Variants in ZFHX3 observed in about 807,000 individuals in gnomAD.
ZFHX3 encodes the protein zinc finger homeobox 3, also known as zinc finger homeobox protein 3.
In ZFHX3, 42 loss-of-function variants were observed where a neutral mutation model predicts 279.1. That is an observed-to-expected ratio of 0.15 (90% CI 0.12 to 0.19). ZFHX3 has a LOEUF of 0.19. Among genes scored for constraint, ZFHX3 ranks in the 10% least tolerant of loss-of-function variants. ZFHX3 has a pLI of 1.00. For synonymous variants in ZFHX3, 2,293 were observed against 1,957.8 expected (o/e 1.17, Z -4.52); for missense variants, 4,981 against 4,754.0 (o/e 1.05, Z -1.40).
chr16:73,383,063 G>T (rs563007988), intron 3 of ZFHX3, among the ~76,000 whole-genome samples: 30 of 152,230 alleles, frequency 2.0e-4, no homozygotes, highest in Admixed American at 1.4e-3. Context: ...CAGAGCACAT[G>T]CTTGGCCGCT....
chr16:73,243,744 TTGTGTGTGTG>T (rs34895940), intron 5 of ZFHX3, among the ~76,000 whole-genome samples: 2 of 149,908 alleles, frequency 1.3e-5, no homozygotes, highest in Admixed American at 6.7e-5. Context: ...CCAACACGTT[TTGTGTGTGTG>T]TGTGTGTGTG....
At position 73,579,854 on chromosome 16, in the gene ZFHX3, T is replaced by TTA. The variant is rs200667144; in HGVS notation, c.-1547+100324_-1547+100325dup. Among the ~76,000 whole-genome samples, 1,003 of 140,924 alleles carry TTA rather than the reference T, an allele frequency of 7.1e-3. 30 individuals are homozygous for TTA. Among genetic ancestry groups the TTA allele is most frequent in the South Asian group, 0.021 (98 of 4,668 alleles). 92.5% of individuals were successfully genotyped at this position (140,924 alleles called of 152,430 possible). On this transcript the variant is annotated intron_variant, in intron 2 of 17. Transcript: ENST00000641206. ...GGTTCACAAATATATATTATACAGA[T>TTA]TATATATATATATATATATACATAC...
intron 1 of ZFHX3, chr16:72,973,402 C>T (rs933990721): frequency 2.0e-5 from 3 of 152,264 alleles, no homozygotes; most frequent in Non-Finnish European, 4.4e-5. Context: ...CACTACCATT[C>T]AATCACCTGT....
rs1468578266 is a variant in ZFHX3, at chr16:72,788,614, G to T, written c.9662C>A (p.Thr3221Lys). 1 of 1,613,492 alleles carries T rather than the reference G, an allele frequency of 6.2e-7. No individual in the cohort carries two copies. The highest frequency in any genetic ancestry group is 8.5e-7 in the Non-Finnish European group (1 of 1,179,832). ...PPPPAAQPPP[T>K]PQLPLQQQQQ... ...CTGCTGTTGCAGTGGGAGCTGTGGT[G>T]TGGGTGGCGGCTGGGCTGCTGGCGG... The change falls in exon 10 of 10, where the codon ACA becomes AAA. Residue 3221 changes from threonine (T) to lysine (K), a missense_variant. Physicochemically the swap from Thr to Lys is moderately conservative, Grantham distance 78. Around this residue, in one of 7 missense-constraint regions of ZFHX3, gnomAD observed 1,034 missense variants for 786.0 expected, o/e 1.32. Coordinates refer to ENST00000268489, the MANE Select transcript of ZFHX3 (RefSeq NM_006885.4).
At chr16:73,855,278 G>C (rs1028629235) in intron 1 of ZFHX3, among the ~76,000 whole-genome samples, 1 of 130,956 alleles carries the variant, frequency 7.6e-6, no homozygotes, top group South Asian at 2.3e-4. Context: ...ATTTGCCCGT[G>C]AAATTCAGGG....
chr16:73,755,707 G>A (rs1202072682), intron 1 of ZFHX3, among the ~76,000 whole-genome samples: 1 of 152,176 alleles, frequency 6.6e-6, no homozygotes, highest in South Asian at 2.1e-4. Context: ...CGAACCTCCC[G>A]TGAAGAAAAG....
At chr16:73,554,708 C>A (rs974217801) in intron 2 of ZFHX3, 3 of 152,126 alleles carry the variant, frequency 2.0e-5, no homozygotes, top group African/African-American at 7.2e-5. Flanking sequence ...TATTTTCCTG[C>A]GGTGGCTGAC....
intron 2 of ZFHX3, among the ~76,000 whole-genome samples, chr16:73,456,960 G>C (rs1024096051): frequency 6.6e-6 from 1 of 152,204 alleles, no homozygotes; most frequent in Admixed American, 6.5e-5. Flanking sequence ...TCAGCGAGGC[G>C]TAATAGAAGG....
intron 5 of ZFHX3, among the ~76,000 whole-genome samples, chr16:73,244,731 G>T: frequency 6.6e-6 from 1 of 152,170 alleles, no homozygotes; most frequent in Middle Eastern, 3.2e-3. Context: ...GATGCCACCA[G>T]CTTGAGGAAG....
At chr16:72,995,268 G>A (rs1164096243) in intron 1 of ZFHX3, among the ~76,000 whole-genome samples, 1 of 152,096 alleles carries the variant, frequency 6.6e-6, no homozygotes, top group Non-Finnish European at 1.5e-5. Context: ...CCATAAACAA[G>A]CTGTTCAAAC....
Position 72,959,292 on chromosome 16 carries a change from A to G in ZFHX3, c.854T>C (p.Phe285Ser). The G allele has an allele frequency of 6.2e-7, 1 of 1,614,250 alleles. No homozygotes were observed. Among genetic ancestry groups the G allele is most frequent in the South Asian group, 1.1e-5 (1 of 91,080 alleles). Residue 285 changes from phenylalanine (F) to serine (S), a missense_variant, in exon 2 of 10, where the codon TTC becomes TCC. By Grantham distance (155) the Phe-to-Ser change is radical. Around this residue, in one of 7 missense-constraint regions of ZFHX3, gnomAD observed 1,068 missense variants for 935.2 expected, o/e 1.14. Coordinates refer to ENST00000268489, the MANE Select transcript of ZFHX3 (RefSeq NM_006885.4). ...YGKRKPILMC[F>S]LCKLSFGYVR... is the part of the protein sequence containing the mutation. The stretch of plus-strand genomic sequence containing the variant: ...GTACCCAAAGGAGAGTTTGCACAAG[A>G]AACACATCAGGATGGGCTTCCTCTT...
chr16:73,770,809 T>C (rs1467712303), intron 1 of ZFHX3, among the ~76,000 whole-genome samples: 1 of 152,250 alleles, frequency 6.6e-6, no homozygotes, highest in Non-Finnish European at 1.5e-5. Context: ...TGACGCATAT[T>C]TCAACTTGTT....
At chr16:73,882,570 A>T (rs1567439287) in intron 1 of ZFHX3, among the ~76,000 whole-genome samples, 1 of 151,958 alleles carries the variant, frequency 6.6e-6, no homozygotes, top group Non-Finnish European at 1.5e-5. Context: ...GGGGACTATT[A>T]TGTCAATAAT....
Position 72,788,215 on chromosome 16 carries a change from C to T in ZFHX3, c.10061G>A (p.Gly3354Glu). Residue 3354 changes from glycine to glutamate, a missense_variant, in exon 10 of 10, where the codon GGG becomes GAG. Gly to Glu is a moderately conservative substitution (Grantham distance 98). This residue lies in a region of ZFHX3 where 1,034 missense variants were observed against 786.0 expected (regional missense o/e 1.32). Transcript: ENST00000268489. Reference protein sequence around the residue: ...YSPALSQALMGLSPGSLLQQY... With the variant: ...YSPALSQALMELSPGSLLQQY... ...CTGCAGTAGGGAGCCTGGGGACAGC[C>T]CCATCAGGGCCTGCGACAGTGCAGG... The T allele has an allele frequency of 6.2e-7, 1 of 1,613,254 alleles. No homozygotes were observed. The highest frequency in any genetic ancestry group is 2.2e-5 in the East Asian group (1 of 44,836).
intron 1 of ZFHX3, among the ~76,000 whole-genome samples, chr16:73,847,896 C>T (rs1258988852): frequency 6.8e-6 from 1 of 146,700 alleles, no homozygotes; most frequent in African/African-American, 2.5e-5. Flanking sequence ...TGCCACTATG[C>T]CTGGCTAGTT....
intron 3 of ZFHX3, among the ~76,000 whole-genome samples, chr16:72,913,903 T>C (rs1023988599): frequency 1.3e-5 from 2 of 152,180 alleles, no homozygotes; most frequent in African/African-American, 4.8e-5. Context: ...CCAGGCCAGG[T>C]GCTGTGTAGC....
chr16:72,985,262 C>T (rs1962796406), intron 1 of ZFHX3, among the ~76,000 whole-genome samples: 1 of 152,050 alleles, frequency 6.6e-6, no homozygotes, highest in Non-Finnish European at 1.5e-5. Context: ...CTGATATCAT[C>T]TCAGGCGCCA....
intron 5 of ZFHX3, among the ~76,000 whole-genome samples, chr16:73,249,768 A>AC (rs1331280643): frequency 6.4e-4 from 94 of 146,326 alleles, no homozygotes; most frequent in African/African-American, 2.4e-3. Context: ...CATATAAGTA[A>AC]GAAAAAAAAC....
At chr16:73,176,096 C>T (rs913674238) in intron 5 of ZFHX3, among the ~76,000 whole-genome samples, 2 of 152,216 alleles carry the variant, frequency 1.3e-5, no homozygotes, top group Admixed American at 6.5e-5. Flanking sequence ...GCATTATTGA[C>T]TCTCTGGTCT....
Sources: allele counts gnomAD v4.1 joint callset (sites outside exome capture counted in the v4.1 genomes callset), GRCh38; gene constraint gnomAD v4.1.1; regional missense constraint gnomAD v4.1.1; transcripts MANE v1.5; gene names NCBI Gene and HGNC (gene_info 2026-07-23, HGNC 2026-07-21).